Variants in LARS2 observed in about 807,000 individuals in gnomAD.
LARS2 encodes the protein leucyl-tRNA synthetase 2, mitochondrial.
In LARS2, 81 loss-of-function variants were observed where a neutral mutation model predicts 116.6. That is an observed-to-expected ratio of 0.69 (90% CI 0.58 to 0.84). The LOEUF (loss-of-function observed/expected upper bound fraction) is 0.84, where lower values mean the gene tolerates loss of function less well. Among genes scored for constraint, LARS2 ranks in the 40% least tolerant of loss-of-function variants. The pLI, the probability that LARS2 is intolerant of heterozygous loss-of-function variation, is 0.00. For missense variants in LARS2, 968 were observed against 1,114.5 expected (o/e 0.87, Z 1.87); for synonymous variants, 396 against 407.2 (o/e 0.97, Z 0.33).
intron 6 of LARS2, among the ~76,000 whole-genome samples, chr3:45,443,913 A>G (rs573534156): frequency 1.1e-4 from 16 of 152,188 alleles, no homozygotes; most frequent in Admixed American, 3.3e-4. Flanking sequence ...GACACTTCCA[A>G]AGAGAATGCC....
At chr3:45,438,886 C>A (rs1201223186) in intron 6 of LARS2, among the ~76,000 whole-genome samples, 1 of 151,902 alleles carries the variant, frequency 6.6e-6, no homozygotes, top group African/African-American at 2.4e-5. Context: ...GAGGAAAGAG[C>A]AATTTGGGAA....
chr3:45,419,767 A>G lies in LARS2; in HGVS notation c.516+38A>G, dbSNP rs192541481. On this transcript the variant is annotated intron_variant, in intron 6 of 21. Transcript: ENST00000645846. ...TTTTTCCTGAAAGGTCGTCATTTTAAGGAAGGACTTGATGGCAGGGAGCAC... is the reference window on the plus strand; with the variant it reads ...TTTTTCCTGAAAGGTCGTCATTTTAGGGAAGGACTTGATGGCAGGGAGCAC... 276 of 1,534,168 alleles carry G rather than the reference A, an allele frequency of 1.8e-4. 1 individual carries two copies. In the African/African-American group the frequency reaches 3.3e-3, roughly 18 times the overall value.
At chr3:45,421,378 C>CA (rs1326604794) in intron 6 of LARS2, 4 of 151,968 alleles carry the variant, frequency 2.6e-5, no homozygotes, top group Admixed American at 2.0e-4. Context: ...CTTTTAATTT[C>CA]AAAAAAATCT....
chr3:45,524,620 A>C (rs1189376608), intron 20 of LARS2, among the ~76,000 whole-genome samples: 1 of 152,214 alleles, frequency 6.6e-6, no homozygotes, highest in Non-Finnish European at 1.5e-5. Context: ...AGGACTTCAC[A>C]TAATCATCGA....
At chr3:45,460,737 C>T (rs757998663) in intron 8 of LARS2, among the ~76,000 whole-genome samples, 5 of 152,108 alleles carry the variant, frequency 3.3e-5, no homozygotes, top group Non-Finnish European at 7.3e-5. Flanking sequence ...CATGAGGGGG[C>T]TGTGCAGTAC....
At chr3:45,400,143 A>C (rs1159851264) in intron 3 of LARS2, 102 bp from the exon 4 acceptor site, 1 of 1,133,556 alleles carries the variant, frequency 8.8e-7, no homozygotes, top group African/African-American at 1.6e-5. Flanking sequence ...GGAAACTTTT[A>C]AAATGTTAAA....
intron 14 of LARS2, among the ~76,000 whole-genome samples, chr3:45,498,456 G>A (rs1198380019): frequency 6.6e-6 from 1 of 151,940 alleles, no homozygotes; most frequent in African/African-American, 2.4e-5. Flanking sequence ...ATTTCTTTAG[G>A]GAACTGTTTT....
rs1700911541 is a variant in LARS2, at chr3:45,549,012, G to A, written c.*1482G>A. ...TCTTGTTCCAGAACTTACAGTCCATGGTAGACAACACTGATACAGGCAAAC... is the reference window on the plus strand; with the variant it reads ...TCTTGTTCCAGAACTTACAGTCCATAGTAGACAACACTGATACAGGCAAAC... On this transcript the variant is annotated 3_prime_UTR_variant, in exon 22 of 22. Coordinates refer to ENST00000645846, the MANE Select transcript of LARS2 (RefSeq NM_015340.4). 6.6e-6 allele frequency: 1 copy of A among 152,220 alleles called. No individual in the cohort carries two copies. Among genetic ancestry groups the A allele is most frequent in the South Asian group, 2.1e-4 (1 of 4,832 alleles). The allele number at this position is 152,220 out of a possible 1,614,324, so 9.4% of individuals were successfully genotyped here. A position where few individuals can be genotyped will look rare whatever the true frequency, so the allele number is the denominator to read the frequency against.
At chr3:45,537,024 C>CTGTG (rs5848749) in intron 20 of LARS2, among the ~76,000 whole-genome samples, 33 of 150,252 alleles carry the variant, frequency 2.2e-4, no homozygotes, top group African/African-American at 7.7e-4. Flanking sequence ...TTCTTTTGCT[C>CTGTG]TGTGTGTGTG....
At chr3:45,459,276 G>A (rs540227399) in intron 8 of LARS2, among the ~76,000 whole-genome samples, 91 of 152,312 alleles carry the variant, frequency 6.0e-4, no homozygotes, top group African/African-American at 2.1e-3. Flanking sequence ...AAGATAGAAT[G>A]AAATCTCAGA....
At chr3:45,458,463 C>T (rs922523884) in intron 7 of LARS2, among the ~76,000 whole-genome samples, 1 of 152,076 alleles carries the variant, frequency 6.6e-6, no homozygotes, top group Non-Finnish European at 1.5e-5. Context: ...GAGGCCAAAA[C>T]GGGTGGATCA....
Position 45,476,928 on chromosome 3 carries a change from A to G in LARS2, c.1018+301A>G, listed in dbSNP as rs368356596. Among the ~76,000 whole-genome samples the G allele has an allele frequency of 4.6e-5, 7 of 152,306 alleles. No individual in the cohort carries two copies. In the South Asian group the frequency reaches 1.0e-3, roughly 23 times the overall value. The stretch of plus-strand genomic sequence containing the variant: ...TCTTTTCTCCTAGTTATAAATTAGG[A>G]GAAGATATAGGAATCTATTCTATTA... On this transcript the variant is annotated intron_variant, in intron 10 of 21. Transcript: ENST00000645846.
chr3:45,417,073 C>CAA (rs1172623065), intron 4 of LARS2, among the ~76,000 whole-genome samples: 8 of 67,570 alleles, frequency 1.2e-4, no homozygotes, highest in South Asian at 5.2e-4. Context: ...GACTCTGTCT[C>CAA]AAAAAAAAAA....
At chr3:45,484,659 A>T (rs1317208364) in intron 10 of LARS2, among the ~76,000 whole-genome samples, 1 of 115,138 alleles carries the variant, frequency 8.7e-6, no homozygotes, top group African/African-American at 3.0e-5. Context: ...TTAAAATAAG[A>T]TGTTATTTTA....
At chr3:45,434,081 G>A (rs1479162275) in intron 6 of LARS2, among the ~76,000 whole-genome samples, 1 of 152,028 alleles carries the variant, frequency 6.6e-6, no homozygotes, top group Non-Finnish European at 1.5e-5. Context: ...GGTTTATCTT[G>A]TTTGGTGTTC....
At chr3:45,488,632 T>A in intron 11 of LARS2, 65 bp from the exon 12 acceptor site, 1 of 933,566 alleles carries the variant, frequency 1.1e-6, no homozygotes, top group Non-Finnish European at 1.8e-6. Flanking sequence ...GTGTCAGTAC[T>A]GTCAGTTGTT....
In LARS2 at chr3:45,458,753, A is replaced by G. The variant is rs1447288284; in HGVS notation, c.617A>G (p.Asn206Ser). The change falls in exon 8 of 22, where the codon AAC becomes AGC. Residue 206 changes from asparagine (N) to serine (S), a missense_variant. Asn to Ser is a conservative substitution (Grantham distance 46). Transcript: ENST00000645846. Reference sequence around the variant, plus strand: ...TCATGAATTATACAGGCCCTGGTTAACTGGGACCCAGTGGATCAAACAGTG... The same window carrying G: ...TCATGAATTATACAGGCCCTGGTTAGCTGGGACCCAGTGGATCAAACAGTG... The part of the protein sequence containing the change: ...GLAYQKEALV[N>S]WDPVDQTVLA... 6.2e-7 allele frequency: 1 copy of G among 1,614,174 alleles called. No homozygotes were observed. Among genetic ancestry groups the G allele is most frequent in the South Asian group, 1.1e-5 (1 of 91,086 alleles).
chr3:45,430,981 A>G (rs1698702429), intron 6 of LARS2, among the ~76,000 whole-genome samples: 1 of 152,222 alleles, frequency 6.6e-6, no homozygotes, highest in Non-Finnish European at 1.5e-5. Flanking sequence ...ACTAGGAAGT[A>G]AAGCCCTTGG....
At position 45,541,926 on chromosome 3, in the gene LARS2, G is replaced by A; in HGVS notation, c.2502G>A (p.Gln834=). ...AWPAVDPEFL[Q]QPEVVQMAVL... Reference sequence around the variant, plus strand: ...CTGCTGTGGACCCGGAGTTCCTGCAGCAGCCTGAGGTTGTCCAGATGGCAG... The same window carrying A: ...CTGCTGTGGACCCGGAGTTCCTGCAACAGCCTGAGGTTGTCCAGATGGCAG... Residue 834 remains glutamine, a synonymous_variant, in exon 21 of 22, where the codon CAG becomes CAA. Coordinates refer to ENST00000645846, the MANE Select transcript of LARS2 (RefSeq NM_015340.4). The A allele has an allele frequency of 6.2e-7, 1 of 1,614,268 alleles. No homozygotes were observed. Among genetic ancestry groups the A allele is most frequent in the Non-Finnish European group, 8.5e-7 (1 of 1,180,044 alleles).
Sources: gnomAD v4.1 joint callset for allele counts (sites outside exome capture counted in the v4.1 genomes callset) on GRCh38, gnomAD v4.1.1 for gene constraint, MANE v1.5 for transcripts, NCBI Gene and HGNC (gene_info 2026-07-23, HGNC 2026-07-21) for gene names.